The following KHDRBS2 variants were observed in gnomAD, a reference collection of about 807,000 sequenced individuals.
The protein encoded by KHDRBS2 is KH domain-containing, RNA-binding, signal transduction-associated protein 2.
KHDRBS2 carries 26 observed loss-of-function variants against 44.3 expected under a neutral mutation model. The ratio of observed to expected loss-of-function variants is 0.59; its 90% confidence interval spans 0.43 to 0.81. The LOEUF (loss-of-function observed/expected upper bound fraction) is 0.81, where lower values mean the gene tolerates loss of function less well. KHDRBS2 is among the 40% of genes least tolerant of loss of function. The pLI is 0.00. For missense variants in KHDRBS2, 476 were observed against 433.1 expected (o/e 1.10, Z -0.88); for synonymous variants, 194 against 151.1 (o/e 1.28, Z -2.08).
intron 2 of KHDRBS2, among the ~76,000 whole-genome samples, chr6:62,077,065 G>T (rs1796487807): frequency 2.0e-5 from 3 of 151,812 alleles, no homozygotes; most frequent in South Asian, 4.1e-4. Flanking sequence ...ATAAAAAAAT[G>T]AATAATAAAT....
chr6:61,569,674 C>T, the KHDRBS2 span, among the ~76,000 whole-genome samples: 2 of 152,186 alleles, frequency 1.3e-5, no homozygotes, highest in African/African-American at 4.8e-5. Flanking sequence ...GAGTCCATGG[C>T]ACTCTCCTAG....
chr6:61,597,883 A>T, the KHDRBS2 span, among the ~76,000 whole-genome samples: 1 of 140,398 alleles, frequency 7.1e-6, no homozygotes, highest in African/African-American at 2.6e-5. Flanking sequence ...GGGAAATAGG[A>T]TCTAAAGGAA....
chr6:61,775,397 A>G (rs1434505266), intron 6 of KHDRBS2, among the ~76,000 whole-genome samples: 1 of 152,076 alleles, frequency 6.6e-6, no homozygotes, highest in Non-Finnish European at 1.5e-5. Flanking sequence ...AAACCCCATC[A>G]TCTCAGCCCA....
the KHDRBS2 span, among the ~76,000 whole-genome samples, chr6:61,574,731 T>C: frequency 1.3e-5 from 2 of 151,926 alleles, no homozygotes; most frequent in Non-Finnish European, 2.9e-5. Flanking sequence ...ATGGTGGGTG[T>C]TGGCCCATCT....
At chr6:61,747,907 T>A (rs1429436470) in intron 6 of KHDRBS2, among the ~76,000 whole-genome samples, 1 of 152,202 alleles carries the variant, frequency 6.6e-6, no homozygotes, top group Non-Finnish European at 1.5e-5. Context: ...AAAATGTAAA[T>A]GTTCAGGTTG....
the KHDRBS2 span, chr6:61,630,252 A>G: frequency 2.0e-5 from 3 of 152,328 alleles, no homozygotes; most frequent in East Asian, 3.9e-4. Context: ...ACACTTGTTT[A>G]TTATCTAGTT....
intron 4 of KHDRBS2, among the ~76,000 whole-genome samples, chr6:61,903,870 G>A (rs1254594729): frequency 2.6e-5 from 4 of 152,054 alleles, no homozygotes; most frequent in Non-Finnish European, 4.4e-5. Flanking sequence ...CATCATGTCC[G>A]AGCACCCAAA....
chr6:61,753,767 T>C (rs75084087), intron 6 of KHDRBS2, among the ~76,000 whole-genome samples: 18 of 152,222 alleles, frequency 1.2e-4, no homozygotes, highest in Admixed American at 9.2e-4. Context: ...TATGTCCACA[T>C]CCCCATCCCA....
intron 6 of KHDRBS2, among the ~76,000 whole-genome samples, chr6:61,866,713 C>G (rs775688860): frequency 2.0e-5 from 3 of 152,200 alleles, no homozygotes; most frequent in Admixed American, 6.5e-5. Flanking sequence ...AAAGTCACAT[C>G]TTGAATGCTT....
intron 2 of KHDRBS2, among the ~76,000 whole-genome samples, chr6:62,166,299 A>G (rs1024873579): frequency 3.3e-5 from 5 of 151,992 alleles, no homozygotes; most frequent in African/African-American, 1.2e-4. Flanking sequence ...AATGCTCAAC[A>G]CTTGGTAATA....
intron 3 of KHDRBS2, among the ~76,000 whole-genome samples, chr6:61,990,918 C>A (rs113862628): frequency 0.021 from 3,182 of 152,204 alleles, 114 homozygotes; most frequent in African/African-American, 0.074. Flanking sequence ...CCATGTTGGC[C>A]AGGATGGTCT....
intron 2 of KHDRBS2, among the ~76,000 whole-genome samples, chr6:62,058,904 A>G (rs1226423917): frequency 6.6e-6 from 1 of 151,986 alleles, no homozygotes; most frequent in Admixed American, 6.6e-5. Flanking sequence ...AATTTATTCA[A>G]TGGACATATT....
At chr6:61,934,792 CT>C (rs1810737061) in intron 4 of KHDRBS2, among the ~76,000 whole-genome samples, 1 of 152,020 alleles carries the variant, frequency 6.6e-6, no homozygotes, top group South Asian at 2.1e-4. Flanking sequence ...TGCAGAGTTA[CT>C]GGAAAAACAA....
At chr6:61,935,060 T>C (rs902319757) in intron 4 of KHDRBS2, among the ~76,000 whole-genome samples, 4 of 152,174 alleles carry the variant, frequency 2.6e-5, no homozygotes, top group African/African-American at 9.7e-5. Context: ...GGAAGAAGAA[T>C]TGTGGATGAA....
At chr6:62,133,895 A>C (rs561506929) in intron 2 of KHDRBS2, among the ~76,000 whole-genome samples, 3 of 152,162 alleles carry the variant, frequency 2.0e-5, no homozygotes, top group Non-Finnish European at 4.4e-5. Context: ...CGGTGGAAGA[A>C]ATTTCTAAAA....
intron 4 of KHDRBS2, among the ~76,000 whole-genome samples, chr6:61,950,847 T>C (rs959910092): frequency 3.9e-4 from 60 of 152,070 alleles, no homozygotes; most frequent in African/African-American, 1.4e-3. Flanking sequence ...TGAAATGTAC[T>C]AAATTCTGTG....
chr6:62,082,616 T>C (rs1344376245), intron 2 of KHDRBS2, among the ~76,000 whole-genome samples: 2 of 152,122 alleles, frequency 1.3e-5, no homozygotes, highest in Non-Finnish European at 2.9e-5. Flanking sequence ...GACATTTTCT[T>C]GGGATGTTTA....
At chr6:62,030,803 T>C (rs761320138) in intron 3 of KHDRBS2, among the ~76,000 whole-genome samples, 4 of 152,094 alleles carry the variant, frequency 2.6e-5, no homozygotes, top group South Asian at 4.1e-4. Flanking sequence ...AATACTCTAC[T>C]GTGAAAACAT....
At chr6:61,856,638 T>C (rs569935336) in intron 6 of KHDRBS2, among the ~76,000 whole-genome samples, 130 of 152,182 alleles carry the variant, frequency 8.5e-4, no homozygotes, top group African/African-American at 3.1e-3. Flanking sequence ...CTTTAGGTTT[T>C]GGAAGAAGAT....
Sources: gnomAD v4.1 joint callset for allele counts (sites outside exome capture counted in the v4.1 genomes callset) on GRCh38, gnomAD v4.1.1 for gene constraint, MANE v1.5 for transcripts, NCBI Gene and HGNC (gene_info 2026-07-23, HGNC 2026-07-21) for gene names.